AP3B2: variants seen among roughly 807,000 people sequenced by gnomAD.
AP3B2 encodes adaptor related protein complex 3 subunit beta 2, also known as AP-3 complex subunit beta-2.
In AP3B2, 50 loss-of-function variants were observed where a neutral mutation model predicts 126.9. The ratio of observed to expected loss-of-function variants is 0.39; its 90% CI spans 0.31 to 0.50. AP3B2 has a LOEUF of 0.50. Ranked by LOEUF, AP3B2 falls within the 20% of genes least tolerant of loss-of-function variation. The probability of loss-of-function intolerance (pLI) is 0.79; values close to 1 mark genes in which losing one functional copy is unlikely to be tolerated. For synonymous variants in AP3B2, 541 were observed against 565.0 expected, an observed-to-expected ratio of 0.96 and a Z score of 0.60; for missense variants, 1,177 against 1,426.4, an observed-to-expected ratio of 0.83 and a Z score of 2.82.
chr15:82,685,555 G>A (rs539260321), intron 4 of AP3B2: 1 of 152,332 alleles, frequency 6.6e-6, no homozygotes, highest in African/African-American at 2.4e-5. Context: ...AACATTTATT[G>A]AAAAGGAAGG....
At position 82,659,946 on chromosome 15, in the gene AP3B2, G is replaced by T; in HGVS notation, c.3054C>A (p.Leu1018=). 1 of 1,613,982 alleles carries T rather than the reference G, an allele frequency of 6.2e-7. No individual in the cohort carries two copies. Among genetic ancestry groups the T allele is most frequent in the Non-Finnish European group, 8.5e-7 (1 of 1,179,886 alleles). ...LMGMNEITEK[L]MLPDTCRSDH... ...CACTCCGACAGGTGTCTGGCAGCATGAGTTTCTCTGTGATCTCATTCATGC... is the reference window on the plus strand; with the variant it reads ...CACTCCGACAGGTGTCTGGCAGCATTAGTTTCTCTGTGATCTCATTCATGC... Residue 1018 remains leucine (L), a synonymous_variant, in exon 26 of 27, where the codon CTC becomes CTA. Transcript: ENST00000535359.
rs1323531667 is a variant in AP3B2 at position 82,680,572 on chromosome 15, C to T, written c.955G>A (p.Ala319Thr). 3.8e-6 allele frequency: 6 copies of T among 1,584,144 alleles called. No individual in the cohort carries two copies. The highest frequency in any genetic ancestry group is 1.1e-5 in the South Asian group (1 of 88,976). The stretch of plus-strand genomic sequence containing the variant: ...AGCTGCGCCACCGCCATCACCACCG[C>T]GGCGCTGCGGCTCTGCAGCAGGGGT... Reference protein sequence around the residue: ...TKPLLQSRSAAVVMAVAQLYF... With the variant: ...TKPLLQSRSATVVMAVAQLYF... Residue 319 changes from alanine (A) to threonine (T), a missense_variant, in exon 8 of 27, where the codon GCG becomes ACG. Physicochemically the swap from Ala to Thr is moderately conservative, Grantham distance 58 (BLOSUM62 0). Around this residue, in one of 5 missense-constraint regions of AP3B2, gnomAD observed 308 missense variants for 452.4 expected, o/e 0.68. Transcript: ENST00000535359. This position sits in a 1 kb window ranked among gnomAD's most constrained non-coding sequence, Gnocchi z 6.1.
rs949897094 is a variant in AP3B2, at chr15:82,664,237, G to T, written c.2261+130C>A. The T allele has an allele frequency of 2.3e-5, 33 of 1,454,802 alleles. No individual in the cohort carries two copies. The highest frequency in any genetic ancestry group is 3.1e-5 in the Non-Finnish European group (33 of 1,075,086). The allele number at this position is 1,454,802 out of a possible 1,614,324, so 90.1% of individuals were successfully genotyped here. On this transcript the variant is annotated intron_variant, in intron 19 of 26. Coordinates refer to ENST00000535359, the MANE Select transcript of AP3B2 (RefSeq NM_001278512.2). This position sits in a 1 kb window ranked among gnomAD's most constrained non-coding sequence, Gnocchi z 4.5. ...CAGCCAGCGAAAGTAGGCGTCATGT[G>T]AGCTGACAGCCCCACCCAGCTCACG...
intron 1 of AP3B2, among the ~76,000 whole-genome samples, chr15:82,697,545 C>T (rs573616860): frequency 1.4e-4 from 21 of 152,224 alleles, no homozygotes; most frequent in African/African-American, 5.1e-4. Context: ...GAACACGCAA[C>T]TTAGTCACAG....
At chr15:82,661,658 A>G (rs2047951141) in intron 25 of AP3B2, among the ~76,000 whole-genome samples, 167 bp downstream of exon 25, 1 of 152,216 alleles carries the variant, frequency 6.6e-6, no homozygotes, top group African/African-American at 2.4e-5. Context: ...TGCAACAGAG[A>G]CCACATGATT....
intron 23 of AP3B2, chr15:82,662,466 C>T: frequency 1.5e-6 from 1 of 652,098 alleles, no homozygotes; most frequent in Non-Finnish European, 2.6e-6. Flanking sequence ...TAAGTTAGTC[C>T]TGAAACAACC....
At chr15:82,683,047 G>GTTTTTT (rs61213011) in intron 4 of AP3B2, among the ~76,000 whole-genome samples, 2,011 of 77,698 alleles carry the variant, frequency 0.026, 443 homozygotes, top group Non-Finnish European at 0.035. Flanking sequence ...TGCACCAGGA[G>GTTTTTT]TTTTTTTTTT....
intron 3 of AP3B2, 160 bp from the exon 4 acceptor site, chr15:82,688,991 G>T: frequency 9.9e-7 from 1 of 1,009,206 alleles, no homozygotes; most frequent in Non-Finnish European, 1.5e-6. Flanking sequence ...CCTTTACCTT[G>T]ATCCACATCC....
chr15:82,695,961 G>T (rs1406644127), intron 1 of AP3B2, among the ~76,000 whole-genome samples: 1 of 152,192 alleles, frequency 6.6e-6, no homozygotes, highest in Non-Finnish European at 1.5e-5. Flanking sequence ...GTGGCCAGAG[G>T]TGAAGCACTC....
intron 14 of AP3B2, among the ~76,000 whole-genome samples, chr15:82,671,139 G>A (rs570039951): frequency 1.3e-5 from 2 of 152,066 alleles, no homozygotes; most frequent in East Asian, 3.9e-4. Context: ...AGAAATTAAC[G>A]GGGCGTGGTG....
intron 4 of AP3B2, chr15:82,688,267 C>T (rs2048464707): frequency 9.8e-6 from 6 of 611,530 alleles, no homozygotes; most frequent in Non-Finnish European, 1.8e-5. Flanking sequence ...CTTATACATG[C>T]ACCTAACATA....
chr15:82,664,599 C>T lies in AP3B2; in HGVS notation c.2138-109G>A, dbSNP rs1038901703. On this transcript the variant is annotated intron_variant, in intron 18 of 26. Transcript: ENST00000535359. This position sits in a 1 kb window ranked among gnomAD's most constrained non-coding sequence, Gnocchi z 4.5. ...TTCAGTACTGAACCCTCAAACCTCT[C>T]TGACCTGCCCCCAGCCCTACATGCC... 22 of 1,386,978 alleles carry T rather than the reference C, an allele frequency of 1.6e-5. No individual in the cohort carries two copies. Among genetic ancestry groups the T allele is most frequent in the Middle Eastern group, 1.8e-4 (1 of 5,630 alleles). 85.9% of individuals were successfully genotyped at this position (1,386,978 alleles called of 1,614,324 possible).
chr15:82,681,090 C>T lies in AP3B2; in HGVS notation c.588+22G>A, dbSNP rs372333580. On this transcript the variant is annotated intron_variant, in intron 6 of 26. Transcript: ENST00000535359. The surrounding 1 kb of genome is among the most constrained non-coding windows in gnomAD (Gnocchi z 4.0). ...GCCGGCTGCCGGTCACCACCCCTCC[C>T]GGAGCGCCCCTATACACGCACCGTG... 10 of 1,613,484 alleles carry T rather than the reference C, an allele frequency of 6.2e-6. No individual in the cohort carries two copies. In the South Asian group the frequency reaches 7.7e-5, roughly 12 times the overall value.
chr15:82,679,285 G>A (rs1458693008), intron 10 of AP3B2, among the ~76,000 whole-genome samples: 2 of 152,116 alleles, frequency 1.3e-5, no homozygotes, highest in South Asian at 2.1e-4. Context: ...CACCACGCCT[G>A]GCTAATTTTT....
chr15:82,703,535 A>T (rs1386177093), intron 1 of AP3B2, among the ~76,000 whole-genome samples: 1 of 151,992 alleles, frequency 6.6e-6, no homozygotes, highest in Non-Finnish European at 1.5e-5. Flanking sequence ...CTCACACCTG[A>T]CCTAAAACCT....
At position 82,680,914 on chromosome 15, in the gene AP3B2, C is replaced by G; in HGVS notation, c.694G>C (p.Glu232Gln). The change falls in exon 7 of 27, where the codon GAG (glutamate) becomes CAG (glutamine). Residue 232 changes from glutamate (E) to glutamine (Q), a missense_variant. Physicochemically the swap from Glu to Gln is conservative, Grantham distance 29 (BLOSUM62 2). Around this residue, in one of 5 missense-constraint regions of AP3B2, gnomAD observed 103 missense variants for 101.4 expected, o/e 1.02. Coordinates refer to ENST00000535359, the MANE Select transcript of AP3B2 (RefSeq NM_001278512.2). The surrounding 1 kb of genome is among the most constrained non-coding windows in gnomAD (Gnocchi z 6.1). Reference protein sequence around the residue: ...RKLCNLLIDVEEWGQVVIISM... With the variant: ...RKLCNLLIDVQEWGQVVIISM... ...ATGATGACCACCTGGCCCCACTCCT[C>G]CACGTCGATCAGCAGGTTACAGAGT... 6.2e-7 allele frequency: 1 copy of G among 1,613,964 alleles called. No homozygotes were observed. The highest frequency in any genetic ancestry group is 8.5e-7 in the Non-Finnish European group (1 of 1,179,874).
chr15:82,669,461 A>C (rs1489593227), intron 14 of AP3B2, among the ~76,000 whole-genome samples: 2 of 152,176 alleles, frequency 1.3e-5, no homozygotes, highest in Non-Finnish European at 2.9e-5. Flanking sequence ...TGGGAGGCCG[A>C]GGCAGGCAGA....
intron 10 of AP3B2, among the ~76,000 whole-genome samples, chr15:82,679,371 GTCTCGGCCTCCCAAAGTGCTGGGAT>G (rs1682411237): frequency 6.6e-6 from 1 of 152,174 alleles, no homozygotes; most frequent in African/African-American, 2.4e-5. Context: ...CGATCTGCCT[GTCTCGGCCTCCCAAAGTGCTGGGAT>G]TAGGCGTGAG....
Position 82,688,906 on chromosome 15 carries a change from C to T in AP3B2, c.265-75G>A, listed in dbSNP as rs2048477047. 33 of 1,372,466 alleles carry T rather than the reference C, an allele frequency of 2.4e-5. 1 individual carries two copies. In the South Asian group the frequency reaches 4.4e-4, roughly 18 times the overall value. The allele number at this position is 1,372,466 out of a possible 1,614,324, so 85.0% of individuals were successfully genotyped here. On this transcript the variant is annotated intron_variant, in intron 3 of 26. Transcript: ENST00000535359. ...GCCCACCCCCCTACCCCTGGGATGT[C>T]ATCTCCCCAGCCAGCTGCGGTCCAT...
Sources: allele counts gnomAD v4.1 joint callset (sites outside exome capture counted in the v4.1 genomes callset), GRCh38; gene constraint gnomAD v4.1.1; regional missense constraint gnomAD v4.1.1; non-coding constraint Gnocchi (gnomAD v3.1); transcripts MANE v1.5; gene names NCBI Gene and HGNC (gene_info 2026-07-23, HGNC 2026-07-21).